Variants in SPOCK1 observed in about 807,000 individuals in gnomAD.
The protein encoded by SPOCK1 is testican-1.
A neutral mutation model predicts 55.3 loss-of-function variants in SPOCK1; 23 were observed. The observed-to-expected ratio is 0.42, with a 90% CI of 0.30 to 0.59. The LOEUF (loss-of-function observed/expected upper bound fraction) is 0.59. Among genes scored for constraint, SPOCK1 ranks in the 20% least tolerant of loss-of-function variants. The pLI is 0.22. For missense variants in SPOCK1, 499 were observed against 552.5 expected (o/e 0.90, Z 0.97); for synonymous variants, 226 against 221.0 (o/e 1.02, Z -0.20).
intron 8 of SPOCK1, among the ~76,000 whole-genome samples, chr5:136,987,117 G>A (rs1750858251): frequency 6.6e-6 from 1 of 151,998 alleles, no homozygotes; most frequent in African/African-American, 2.4e-5. Context: ...CTACTTGACT[G>A]TGTAATACAC....
At chr5:137,374,920 C>A (rs1215104874) in intron 2 of SPOCK1, among the ~76,000 whole-genome samples, 1 of 152,148 alleles carries the variant, frequency 6.6e-6, no homozygotes, top group Non-Finnish European at 1.5e-5. Context: ...ACAAGCTAAA[C>A]TGCTTCACCT....
chr5:137,259,815 C>T (rs937878181), intron 3 of SPOCK1, among the ~76,000 whole-genome samples: 1 of 152,076 alleles, frequency 6.6e-6, no homozygotes, highest in East Asian at 1.9e-4. Context: ...CTACAGCTCA[C>T]AGTGTCCCAT....
chr5:137,268,220 G>C (rs1175671810), intron 2 of SPOCK1, among the ~76,000 whole-genome samples: 2 of 152,130 alleles, frequency 1.3e-5, no homozygotes, highest in Non-Finnish European at 2.9e-5. Context: ...TAGATTTTAG[G>C]AAACTAGCTT....
At chr5:137,387,660 G>T (rs1359859995) in intron 2 of SPOCK1, among the ~76,000 whole-genome samples, 3 of 152,142 alleles carry the variant, frequency 2.0e-5, no homozygotes, top group Admixed American at 6.5e-5. Flanking sequence ...CCCATAAAAT[G>T]CACAACACCA....
At position 136,992,648 on chromosome 5, in the gene SPOCK1, C is replaced by T. The variant is rs767723356; in HGVS notation, c.590-48G>A. On this transcript the variant is annotated intron_variant, in intron 6 of 10. Transcript: ENST00000394945. ...GACAATGGGGCTGGGGGCTTTCTGC[C>T]TTCTGTGTGCAGGGCTACTGGCAAA... 16 of 1,489,752 alleles carry T rather than the reference C, an allele frequency of 1.1e-5. No individual in the cohort carries two copies. In the African/African-American group the frequency reaches 1.8e-4, roughly 17 times the overall value. The allele number at this position is 1,489,752 out of a possible 1,614,324, so 92.3% of individuals were successfully genotyped here.
intron 6 of SPOCK1, among the ~76,000 whole-genome samples, chr5:137,060,027 G>C (rs761510219): frequency 6.6e-6 from 1 of 152,174 alleles, no homozygotes; most frequent in Non-Finnish European, 1.5e-5. Context: ...AGCCACTGTG[G>C]AAAGCTATTT....
rs980594662 is a variant in SPOCK1 at position 137,204,219 on chromosome 5, G to A, written c.232+62791C>T. ...AGCCCTGGCTTAATAAATGTTAGATGCTAATATTATTTTTTTATTTTGTTC... is the reference window on the plus strand; with the variant it reads ...AGCCCTGGCTTAATAAATGTTAGATACTAATATTATTTTTTTATTTTGTTC... On this transcript the variant is annotated intron_variant, in intron 3 of 10. Transcript: ENST00000394945. 5.2e-4 allele frequency among the ~76,000 whole-genome samples: 78 copies of A among 148,680 alleles called. 1 individual carries two copies. The highest frequency in any genetic ancestry group is 3.4e-3 in the Admixed American group (51 of 15,016).
At chr5:137,323,900 C>T (rs985377815) in intron 2 of SPOCK1, among the ~76,000 whole-genome samples, 15 of 151,822 alleles carry the variant, frequency 9.9e-5, no homozygotes, top group African/African-American at 1.4e-4. Context: ...ACAGCCATTA[C>T]GGAAAACAGC....
intron 3 of SPOCK1, among the ~76,000 whole-genome samples, chr5:137,190,384 T>G (rs1321563966): frequency 6.6e-6 from 1 of 152,146 alleles, no homozygotes; most frequent in Non-Finnish European, 1.5e-5. Context: ...CCATCAACAC[T>G]GAAGCAAGAC....
intron 2 of SPOCK1, among the ~76,000 whole-genome samples, chr5:137,369,919 G>A (rs935570596): frequency 3.9e-5 from 6 of 152,084 alleles, no homozygotes; most frequent in Non-Finnish European, 8.8e-5. Flanking sequence ...ATCACACTGG[G>A]GGTCAGAGCT....
chr5:137,313,855 G>A (rs1429608718), intron 2 of SPOCK1, among the ~76,000 whole-genome samples: 1 of 150,696 alleles, frequency 6.6e-6, no homozygotes, highest in Non-Finnish European at 1.5e-5. Context: ...TGGGGGAAAT[G>A]AAGAACCCCT....
At chr5:137,452,603 T>C (rs1288259624) in intron 2 of SPOCK1, among the ~76,000 whole-genome samples, 1 of 152,236 alleles carries the variant, frequency 6.6e-6, no homozygotes, top group Non-Finnish European at 1.5e-5. Flanking sequence ...ATAGGTGACA[T>C]GTCTCATCTA....
chr5:137,248,448 G>A (rs533586066), intron 3 of SPOCK1, among the ~76,000 whole-genome samples: 2 of 152,340 alleles, frequency 1.3e-5, no homozygotes, highest in African/African-American at 2.4e-5. Context: ...CTGTTTCTAT[G>A]TCTAGCTGTG....
At chr5:137,285,534 G>C (rs1380665666) in intron 2 of SPOCK1, among the ~76,000 whole-genome samples, 1 of 152,072 alleles carries the variant, frequency 6.6e-6, no homozygotes, top group Non-Finnish European at 1.5e-5. Flanking sequence ...CAGAAAAATG[G>C]CCCACTCATA....
intron 2 of SPOCK1, among the ~76,000 whole-genome samples, chr5:137,269,967 T>C (rs771521568): frequency 6.6e-6 from 1 of 152,240 alleles, no homozygotes; most frequent in Non-Finnish European, 1.5e-5. Flanking sequence ...GTATCTATTT[T>C]ACATTGTCCT....
chr5:137,111,049 T>A (rs1753460683), intron 5 of SPOCK1, among the ~76,000 whole-genome samples: 1 of 152,064 alleles, frequency 6.6e-6, no homozygotes, highest in Non-Finnish European at 1.5e-5. Context: ...ATCATAAGGA[T>A]ATATGACCCG....
intron 2 of SPOCK1, chr5:137,313,456 A>C (rs1757821864): frequency 2.0e-6 from 2 of 985,362 alleles, no homozygotes; most frequent in Admixed American, 6.1e-5. Flanking sequence ...TCAGGAAATC[A>C]TCAGGGCACA....
At chr5:137,441,363 T>A (rs889337074) in intron 2 of SPOCK1, among the ~76,000 whole-genome samples, 11 of 152,160 alleles carry the variant, frequency 7.2e-5, no homozygotes, top group Non-Finnish European at 1.2e-4. Context: ...GCCAAGGAAA[T>A]CACCACCTTT....
intron 5 of SPOCK1, among the ~76,000 whole-genome samples, chr5:137,100,083 G>T (rs73295622): frequency 6.6e-6 from 1 of 152,092 alleles, no homozygotes; most frequent in Non-Finnish European, 1.5e-5. Context: ...GGATTTCCAC[G>T]TGTACAACAA....
Sources: allele counts gnomAD v4.1 joint callset (sites outside exome capture counted in the v4.1 genomes callset), GRCh38; gene constraint gnomAD v4.1.1; transcripts MANE v1.5; gene names NCBI Gene and HGNC (gene_info 2026-07-23, HGNC 2026-07-21).